GRHL2: variants seen among roughly 807,000 people sequenced by gnomAD.
GRHL2 encodes grainyhead like transcription factor 2.
GRHL2 carries 21 observed loss-of-function variants against 83.8 expected under a neutral mutation model. That is an observed-to-expected ratio of 0.25 (90% confidence interval 0.18 to 0.36). The LOEUF (loss-of-function observed/expected upper bound fraction) is 0.36. GRHL2 is among the 10% of genes least tolerant of loss of function. GRHL2 has a pLI of 1.00. For missense variants in GRHL2, 623 were observed against 781.8 expected (o/e 0.80, Z 2.42); for synonymous variants, 280 against 278.9 (o/e 1.00, Z -0.04).
At chr8:101,562,430 G>A (rs538784) in intron 4 of GRHL2, 497,524 of 512,510 alleles carry the variant, frequency 0.97, 241,929 homozygotes, top group Non-Finnish European at 1. Context: ...GTGGACAAAC[G>A]TCATGCCGTG....
rs1296511438 is a variant in GRHL2, at chr8:101,669,246, A to ATTTTTTT, written c.*2544_*2550dup. 1 of 9,728 alleles carries ATTTTTTT rather than the reference A, an allele frequency of 1.0e-4. No homozygotes were observed. Among genetic ancestry groups the ATTTTTTT allele is most frequent in the Non-Finnish European group, 2.2e-4 (1 of 4,568 alleles). 0.6% of individuals were successfully genotyped at this position (9,728 alleles called of 1,614,324 possible). The stretch of plus-strand genomic sequence containing the variant: ...AAGATCATGGACATGTGAAATGAGC[A>ATTTTTTT]TTTTTTTCTTTTTTTTTTTTAACAA... On this transcript the variant is annotated 3_prime_UTR_variant, in exon 16 of 16. Transcript: ENST00000646743.
intron 13 of GRHL2, among the ~76,000 whole-genome samples, chr8:101,648,156 T>C (rs547777523): frequency 3.3e-5 from 5 of 152,192 alleles, no homozygotes; most frequent in Admixed American, 2.0e-4. Flanking sequence ...GTTCCAAGTT[T>C]ATTCTGGGAG....
At chr8:101,664,386 A>T in intron 14 of GRHL2, 68 bp from the exon 15 acceptor site, 4 of 1,150,832 alleles carry the variant, frequency 3.5e-6, no homozygotes, top group Non-Finnish European at 5.3e-6. Context: ...TGAAACTGGA[A>T]CTTTCCCCCT....
intron 3 of GRHL2, among the ~76,000 whole-genome samples, chr8:101,555,345 G>A (rs1363247779): frequency 6.6e-6 from 1 of 152,020 alleles, no homozygotes; most frequent in African/African-American, 2.4e-5. Context: ...ACGAGTTCGG[G>A]AAATCCTGGG....
At chr8:101,500,123 A>G (rs1810194180) in intron 1 of GRHL2, among the ~76,000 whole-genome samples, 1 of 152,090 alleles carries the variant, frequency 6.6e-6, no homozygotes, top group Non-Finnish European at 1.5e-5. Context: ...CAAACAAACA[A>G]AAAACAACAA....
chr8:101,507,322 A>T (rs1810360635), intron 1 of GRHL2, among the ~76,000 whole-genome samples: 1 of 152,150 alleles, frequency 6.6e-6, no homozygotes, highest in Non-Finnish European at 1.5e-5. Context: ...CATTCCTTTC[A>T]CATATGGAAA....
chr8:101,576,642 T>G (rs1811939166), intron 6 of GRHL2, among the ~76,000 whole-genome samples: 5 of 151,002 alleles, frequency 3.3e-5, no homozygotes. Flanking sequence ...AATTAAAGGG[T>G]TTTTTTTTGG....
chr8:101,670,525 T>A (rs1270098108), downstream of GRHL2, among the ~76,000 whole-genome samples: 1 of 152,130 alleles, frequency 6.6e-6, no homozygotes. Context: ...CATTGCAGAG[T>A]CTTCTGGAGA....
At chr8:101,604,189 C>A (rs569698326) in intron 8 of GRHL2, among the ~76,000 whole-genome samples, 23 of 151,974 alleles carry the variant, frequency 1.5e-4, no homozygotes, top group Non-Finnish European at 2.8e-4. Context: ...TTTTAATTTT[C>A]TTTCTCTCCT....
chr8:101,548,271 G>A (rs1167387196), intron 2 of GRHL2, among the ~76,000 whole-genome samples: 1 of 152,130 alleles, frequency 6.6e-6, no homozygotes, highest in Non-Finnish European at 1.5e-5. Flanking sequence ...GATGATATTC[G>A]GTTGACCACC....
At chr8:101,543,192 A>G in intron 1 of GRHL2, 49 bp from the exon 2 acceptor site, 1 of 1,439,364 alleles carries the variant, frequency 6.9e-7, no homozygotes, top group Non-Finnish European at 9.8e-7. Flanking sequence ...TAGGGGTAAA[A>G]AATTTGCTCT....
Position 101,503,482 on chromosome 8 carries a change from C to T in GRHL2, c.20+10693C>T, listed in dbSNP as rs548213286. 1.1e-4 allele frequency among the ~76,000 whole-genome samples: 17 copies of T among 152,128 alleles called. 1 individual carries two copies. Among genetic ancestry groups the T allele is most frequent in the East Asian group, 1.9e-4 (1 of 5,180 alleles). On this transcript the variant is annotated intron_variant, in intron 1 of 15. Transcript: ENST00000646743. ...TCAAAGTGGCTAAAATTAACAAAAC[C>T]GGGTTCGGGTAAAATATATTTTTGG...
At chr8:101,613,575 C>A (rs1296082495) in intron 8 of GRHL2, among the ~76,000 whole-genome samples, 1 of 151,100 alleles carries the variant, frequency 6.6e-6, no homozygotes, top group Non-Finnish European at 1.5e-5. Context: ...ATATTGTCTA[C>A]TTTTAGTCTA....
chr8:101,626,436 T>C (rs917265004), intron 9 of GRHL2, among the ~76,000 whole-genome samples: 3 of 152,108 alleles, frequency 2.0e-5, no homozygotes, highest in African/African-American at 7.2e-5. Flanking sequence ...TACCTATGTG[T>C]GTATCTTTAT....
intron 1 of GRHL2, among the ~76,000 whole-genome samples, chr8:101,514,232 C>T (rs1157575258): frequency 6.6e-6 from 1 of 152,170 alleles, no homozygotes; most frequent in Non-Finnish European, 1.5e-5. Context: ...ACTGGAGCCA[C>T]AGTACATTAG....
At chr8:101,646,307 T>C (rs1217501826) in intron 13 of GRHL2, among the ~76,000 whole-genome samples, 1 of 152,208 alleles carries the variant, frequency 6.6e-6, no homozygotes, top group Non-Finnish European at 1.5e-5. Flanking sequence ...CAGGCGAAAC[T>C]AATTATGGCT....
intron 1 of GRHL2, among the ~76,000 whole-genome samples, chr8:101,535,787 G>A (rs1009728436): frequency 1.3e-5 from 2 of 152,118 alleles, no homozygotes; most frequent in Non-Finnish European, 2.9e-5. Flanking sequence ...TGATCCACCC[G>A]CCTTGGCCTC....
At chr8:101,585,666 T>C (rs1185475063) in intron 7 of GRHL2, among the ~76,000 whole-genome samples, 1 of 152,238 alleles carries the variant, frequency 6.6e-6, no homozygotes, top group African/African-American at 2.4e-5. Context: ...GCTGCAGTTA[T>C]GGAAAACTCC....
At chr8:101,609,978 C>T (rs938858184) in intron 8 of GRHL2, among the ~76,000 whole-genome samples, 5 of 150,674 alleles carry the variant, frequency 3.3e-5, no homozygotes, top group Non-Finnish European at 5.9e-5. Context: ...ATGAATCTTT[C>T]AGTCTGTACT....
Sources: allele counts gnomAD v4.1 joint callset (sites outside exome capture counted in the v4.1 genomes callset), GRCh38; gene constraint gnomAD v4.1.1; transcripts MANE v1.5; gene names NCBI Gene and HGNC (gene_info 2026-07-23, HGNC 2026-07-21).